NR3C2: variants seen among roughly 807,000 people sequenced by gnomAD.
The protein encoded by NR3C2 is nuclear receptor subfamily 3 group C member 2, also known as mineralocorticoid receptor.
In NR3C2, 15 loss-of-function variants were observed where a neutral mutation model predicts 86.4. The observed-to-expected ratio is 0.17, with a 90% CI of 0.12 to 0.27. The LOEUF (loss-of-function observed/expected upper bound fraction) is 0.27. NR3C2 is among the 10% of genes least tolerant of loss of function. The probability of loss-of-function intolerance (pLI) is 1.00; values close to 1 mark genes in which losing one functional copy is unlikely to be tolerated. For missense variants in NR3C2, 960 were observed against 1,195.6 expected, an observed-to-expected ratio of 0.80 and a Z score of 2.91; for synonymous variants, 458 against 450.5, an observed-to-expected ratio of 1.02 and a Z score of -0.21.
intron 3 of NR3C2, among the ~76,000 whole-genome samples, chr4:148,211,750 C>T (rs567716893): frequency 6.6e-6 from 1 of 152,124 alleles, no homozygotes; most frequent in African/African-American, 2.4e-5. Flanking sequence ...CCAGCCTCTG[C>T]ATTCCATCTG....
intron 3 of NR3C2, among the ~76,000 whole-genome samples, chr4:148,235,830 T>G (rs1738725063): frequency 6.6e-6 from 1 of 152,226 alleles, no homozygotes; most frequent in Admixed American, 6.5e-5. Context: ...ATTTTTCTCT[T>G]CTTGAAATAC....
chr4:148,111,562 C>G (rs1200025679), intron 8 of NR3C2, among the ~76,000 whole-genome samples: 1 of 152,210 alleles, frequency 6.6e-6, no homozygotes, highest in Middle Eastern at 3.2e-3. Flanking sequence ...AGCCTCCAAG[C>G]TGGTAACAAC....
At chr4:148,137,508 C>A (rs973212410) in intron 6 of NR3C2, among the ~76,000 whole-genome samples, 1 of 152,024 alleles carries the variant, frequency 6.6e-6, no homozygotes, top group African/African-American at 2.4e-5. Flanking sequence ...GACTATGAGC[C>A]CTTTTAGGGA....
intron 2 of NR3C2, among the ~76,000 whole-genome samples, chr4:148,428,220 A>G (rs902835116): frequency 6.6e-6 from 1 of 152,172 alleles, no homozygotes; most frequent in Admixed American, 6.5e-5. Context: ...TTACATTATC[A>G]TTCCATTCCA....
intron 2 of NR3C2, among the ~76,000 whole-genome samples, chr4:148,264,033 C>G (rs561191388): frequency 9.2e-5 from 14 of 152,282 alleles, no homozygotes; most frequent in Non-Finnish European, 1.9e-4. Context: ...AATCTCATTA[C>G]AGTAGAACAT....
intron 3 of NR3C2, among the ~76,000 whole-genome samples, chr4:148,257,894 T>C (rs1739907418): frequency 6.6e-6 from 1 of 152,140 alleles, no homozygotes; most frequent in Non-Finnish European, 1.5e-5. Flanking sequence ...TTAAAAGGCA[T>C]TTACCAAGTT....
chr4:148,222,086 A>G (rs2149828496), intron 3 of NR3C2, among the ~76,000 whole-genome samples: 1 of 152,270 alleles, frequency 6.6e-6, no homozygotes, highest in Middle Eastern at 3.4e-3. Context: ...AGTGTTAATT[A>G]TTACTATGAC....
chr4:148,161,238 A>G (rs1734645754), intron 4 of NR3C2, among the ~76,000 whole-genome samples: 1 of 152,260 alleles, frequency 6.6e-6, no homozygotes, highest in African/African-American at 2.4e-5. Flanking sequence ...ACATAATTTA[A>G]TAAGTTAACA....
At chr4:148,276,597 T>C (rs1286039805) in intron 2 of NR3C2, among the ~76,000 whole-genome samples, 1 of 152,228 alleles carries the variant, frequency 6.6e-6, no homozygotes, top group Non-Finnish European at 1.5e-5. Context: ...AGGGCTATTG[T>C]CTGATAACAA....
At chr4:148,284,384 G>T (rs981836927) in intron 2 of NR3C2, among the ~76,000 whole-genome samples, 2 of 152,116 alleles carry the variant, frequency 1.3e-5, no homozygotes, top group East Asian at 1.9e-4. Flanking sequence ...ACACACATTT[G>T]CTGATGAAGG....
intron 3 of NR3C2, among the ~76,000 whole-genome samples, chr4:148,203,488 A>T (rs769432847): frequency 6.6e-6 from 1 of 151,466 alleles, no homozygotes; most frequent in Non-Finnish European, 1.5e-5. Flanking sequence ...CAGCAACAGC[A>T]GCCTGTGTTT....
chr4:148,096,392 T>G (rs2149713346), intron 8 of NR3C2, among the ~76,000 whole-genome samples: 1 of 152,342 alleles, frequency 6.6e-6, no homozygotes, highest in African/African-American at 2.4e-5. Flanking sequence ...TGACTTGTGT[T>G]TATATGTTAC....
At chr4:148,444,772 G>GC (rs1332649439), upstream of NR3C2, 2 of 984,790 alleles carry the variant, frequency 2.0e-6, no homozygotes, top group African/African-American at 3.5e-5. Flanking sequence ...GCACCCGCCC[G>GC]CCCCCAGCGG....
chr4:148,114,299 G>A lies in NR3C2; in HGVS notation c.2642-38C>T, dbSNP rs187589594. 6.3e-5 allele frequency: 102 copies of A among 1,609,664 alleles called. No individual in the cohort carries two copies. The East Asian group carries it at 1.7e-3, about 27-fold the overall frequency. ...AAACAGACATGTAAATTTCCAGGAT[G>A]GAAAACAACTTTAGCATCTTGGCAG... On this transcript the variant is annotated intron_variant, in intron 7 of 8. Transcript: ENST00000358102.
chr4:148,239,547 T>G (rs1738914709), intron 3 of NR3C2, among the ~76,000 whole-genome samples: 1 of 152,184 alleles, frequency 6.6e-6, no homozygotes, highest in South Asian at 2.1e-4. Context: ...ACTCCAAGTT[T>G]CTAAAATGTG....
chr4:148,303,896 C>T (rs564532518), intron 2 of NR3C2, among the ~76,000 whole-genome samples: 1 of 152,278 alleles, frequency 6.6e-6, no homozygotes, highest in South Asian at 2.1e-4. Flanking sequence ...CTCCCTAGAT[C>T]CCCCTGTTAA....
chr4:148,094,696 CAA>C (rs1223159444), intron 8 of NR3C2, among the ~76,000 whole-genome samples: 11 of 139,554 alleles, frequency 7.9e-5, no homozygotes, highest in Admixed American at 2.2e-4. Flanking sequence ...GCCTGGGCAA[CAA>C]GAGCAAAACT....
intron 2 of NR3C2, among the ~76,000 whole-genome samples, chr4:148,400,974 T>G (rs956768831): frequency 2.0e-4 from 31 of 152,302 alleles, no homozygotes; most frequent in African/African-American, 7.5e-4. Flanking sequence ...ATGTCTAATA[T>G]CACACTTTAT....
chr4:148,210,077 T>C (rs1042552928), intron 3 of NR3C2, among the ~76,000 whole-genome samples: 1 of 151,938 alleles, frequency 6.6e-6, no homozygotes, highest in Non-Finnish European at 1.5e-5. Flanking sequence ...GGGAGGAGGG[T>C]CTGGATGGGT....
Sources: gnomAD v4.1 joint callset for allele counts (sites outside exome capture counted in the v4.1 genomes callset) on GRCh38, gnomAD v4.1.1 for gene constraint, MANE v1.5 for transcripts, NCBI Gene and HGNC (gene_info 2026-07-23, HGNC 2026-07-21) for gene names.